The following COPZ1 variants were observed in gnomAD, a reference collection of about 807,000 sequenced individuals.
COPZ1 encodes coatomer subunit zeta-1.
Under a neutral mutation model 31.7 loss-of-function variants are expected in COPZ1, and 4 were observed. The observed-to-expected ratio is 0.13, with a 90% CI of 0.06 to 0.29. The LOEUF (loss-of-function observed/expected upper bound fraction) is 0.29. COPZ1 is among the 10% of genes least tolerant of loss of function. The pLI is 1.00. For synonymous variants in COPZ1, 74 were observed against 79.0 expected, an observed-to-expected ratio of 0.94 and a Z score of 0.33; for missense variants, 156 against 211.5, an observed-to-expected ratio of 0.74 and a Z score of 1.63.
At chr12:54,337,326 T>C in intron 1 of COPZ1, 1 of 533,070 alleles carries the variant, frequency 1.9e-6, no homozygotes, top group South Asian at 1.4e-5. Flanking sequence ...CAGCTACCCA[T>C]TTTGGGAGTG....
At chr12:54,334,529 C>A (rs1271637754) in intron 1 of COPZ1, among the ~76,000 whole-genome samples, 1 of 151,898 alleles carries the variant, frequency 6.6e-6, no homozygotes, top group Admixed American at 6.6e-5. Flanking sequence ...AAATTGGAGC[C>A]CTTAACCCCA....
chr12:54,330,944 C>T (rs1953739074), intron 1 of COPZ1, among the ~76,000 whole-genome samples: 1 of 152,158 alleles, frequency 6.6e-6, no homozygotes, highest in South Asian at 2.1e-4. Flanking sequence ...GATGCTTGTG[C>T]TGGCAAGGGC....
intron 1 of COPZ1, among the ~76,000 whole-genome samples, chr12:54,336,100 C>T (rs1199327985): frequency 6.6e-6 from 1 of 152,200 alleles, no homozygotes; most frequent in Non-Finnish European, 1.5e-5. Context: ...CAAGTATCCT[C>T]TCTACCTTCC....
intron 8 of COPZ1, chr12:54,350,136 C>T: frequency 3.1e-6 from 2 of 646,876 alleles, no homozygotes; most frequent in Admixed American, 2.5e-5. Flanking sequence ...GTTTTCTACC[C>T]ACTTGGAATT....
intron 1 of COPZ1, chr12:54,337,106 C>T: frequency 2.0e-6 from 1 of 501,850 alleles, no homozygotes; most frequent in Non-Finnish European, 4.0e-6. Context: ...TGGTGTTTCA[C>T]CTGTCTTGAG....
intron 8 of COPZ1, chr12:54,350,098 C>T (rs1954122189): frequency 1.6e-6 from 1 of 609,832 alleles, no homozygotes; most frequent in Non-Finnish European, 2.9e-6. Context: ...AGATTGTCTA[C>T]CTGATGTAGG....
At chr12:54,342,540 A>C in intron 3 of COPZ1, 1 of 510,328 alleles carries the variant, frequency 2.0e-6, no homozygotes, top group Admixed American at 3.3e-5. Flanking sequence ...GACAAATTTA[A>C]TTGCAGCTCT....
chr12:54,347,463 T>G (rs987527551), intron 5 of COPZ1, among the ~76,000 whole-genome samples: 1 of 152,224 alleles, frequency 6.6e-6, no homozygotes, highest in Non-Finnish European at 1.5e-5. Context: ...TGTCAGTGTT[T>G]ATGAGCAATG....
At chr12:54,345,597 T>A in intron 5 of COPZ1, 82 bp downstream of exon 5, 1 of 1,122,484 alleles carries the variant, frequency 8.9e-7, no homozygotes, top group Non-Finnish European at 1.3e-6. Flanking sequence ...GGAGATAAAG[T>A]AACCATTCTT....
chr12:54,342,623 C>T (rs1453559516), intron 3 of COPZ1: 6 of 296,222 alleles, frequency 2.0e-5, no homozygotes, highest in South Asian at 7.9e-5. Flanking sequence ...TTTTCACCTC[C>T]GAAGGATCGA....
rs1376959468 is a variant in COPZ1, at chr12:54,343,273, T to C, written c.218T>C (p.Ile73Thr). 1.2e-6 allele frequency: 2 copies of C among 1,614,106 alleles called. No homozygotes were observed. Among genetic ancestry groups the C allele is most frequent in the East Asian group, 2.2e-5 (1 of 44,888 alleles). Residue 73 changes from isoleucine to threonine, a missense_variant, in exon 4 of 9, where the codon ATA becomes ACA. Coordinates refer to ENST00000262061, the MANE Select transcript of COPZ1 (RefSeq NM_016057.3). ...CTGACAGTGGTATACAAAAGCAGTA[T>C]AGATCTCTATTTCTATGTGATTGGC... Reference protein sequence around the residue: ...EGLTVVYKSSIDLYFYVIGSS... With the variant: ...EGLTVVYKSSTDLYFYVIGSS...
At chr12:54,334,004 G>A (rs1044403806) in intron 1 of COPZ1, among the ~76,000 whole-genome samples, 5 of 152,142 alleles carry the variant, frequency 3.3e-5, no homozygotes, top group African/African-American at 1.2e-4. Context: ...GCTGAACGGG[G>A]AGGATCGCTT....
chr12:54,346,546 T>C (rs1954066767), intron 5 of COPZ1: 1 of 691,166 alleles, frequency 1.4e-6, no homozygotes, highest in Admixed American at 2.0e-5. Context: ...GTGCTGGGAT[T>C]ATAGGCATGA....
chr12:54,328,184 G>C (rs1256401512), intron 1 of COPZ1, among the ~76,000 whole-genome samples: 1 of 151,446 alleles, frequency 6.6e-6, no homozygotes, highest in East Asian at 2.0e-4. Context: ...GCTGAGGCAG[G>C]AGAATCACTT....
chr12:54,341,031 A>T lies in COPZ1; in HGVS notation c.87+416A>T, dbSNP rs371585167. ...TTCCATCTTATCTTGCCTACTCCAG[A>T]TAAAACCTGTTTTCTTTTGTCCCTT... On this transcript the variant is annotated intron_variant, in intron 2 of 8. Transcript: ENST00000262061. Among the ~76,000 whole-genome samples the T allele has an allele frequency of 1.8e-3, 275 of 152,252 alleles. 9 individuals carry two copies. In the South Asian group the frequency reaches 0.055, roughly 30 times the overall value.
At chr12:54,328,426 TG>T (rs745587775) in intron 1 of COPZ1, among the ~76,000 whole-genome samples, 2 of 151,204 alleles carry the variant, frequency 1.3e-5, no homozygotes, top group Non-Finnish European at 2.9e-5. Context: ...AAAACTTAGC[TG>T]GGCGTGGCCA....
Position 54,340,607 on chromosome 12 carries a change from T to G in COPZ1, c.79T>G (p.Phe27Val). The change falls in exon 2 of 9, where the codon TTT (phenylalanine) becomes GTT (valine). Residue 27 changes from phenylalanine (F) to valine (V), a missense_variant. Phe to Val is a conservative substitution (Grantham distance 50). Coordinates refer to ENST00000262061, the MANE Select transcript of COPZ1 (RefSeq NM_016057.3). ...TCTGGACAATGATGGAGATCGACTT[T>G]TTGCCAAGGTGAGATTCCCTTTCGA... Reference protein sequence around the residue: ...LILDNDGDRLFAKYYDDTYPS... With the variant: ...LILDNDGDRLVAKYYDDTYPS... 1 of 1,613,612 alleles carries G rather than the reference T, an allele frequency of 6.2e-7. No homozygotes were observed. The highest frequency in any genetic ancestry group is 8.5e-7 in the Non-Finnish European group (1 of 1,179,870).
chr12:54,331,821 G>A (rs1414477031), intron 1 of COPZ1, among the ~76,000 whole-genome samples: 2 of 152,128 alleles, frequency 1.3e-5, no homozygotes, highest in Admixed American at 1.3e-4. Context: ...CCTTTGCTGA[G>A]TGTTATTTAA....
chr12:54,333,349 T>C (rs1233488089), intron 1 of COPZ1, among the ~76,000 whole-genome samples: 3 of 152,040 alleles, frequency 2.0e-5, no homozygotes, highest in Non-Finnish European at 4.4e-5. Flanking sequence ...TGCCTAGCCA[T>C]GAAATCATAA....
Sources: allele counts gnomAD v4.1 joint callset (sites outside exome capture counted in the v4.1 genomes callset), GRCh38; gene constraint gnomAD v4.1.1; transcripts MANE v1.5; gene names NCBI Gene and HGNC (gene_info 2026-07-23, HGNC 2026-07-21).